The following SRBD1 variants were observed in gnomAD, a reference collection of about 807,000 sequenced individuals.
SRBD1 encodes S1 RNA-binding domain-containing protein 1.
Under a neutral mutation model 115.3 loss-of-function variants are expected in SRBD1, and 88 were observed. The ratio of observed to expected loss-of-function variants is 0.76; its 90% CI spans 0.64 to 0.91. SRBD1 has a LOEUF of 0.91. Ranked by LOEUF, SRBD1 falls within the 40% of genes least tolerant of loss-of-function variation. The probability of loss-of-function intolerance (pLI) is 0.00; values close to 1 mark genes in which losing one functional copy is unlikely to be tolerated. For missense variants in SRBD1, 1,385 were observed against 1,177.4 expected (o/e 1.18, Z -2.58); for synonymous variants, 509 against 407.7 (o/e 1.25, Z -2.99).
At chr2:45,431,818 C>A (rs1325136286) in intron 16 of SRBD1, among the ~76,000 whole-genome samples, 4 of 151,832 alleles carry the variant, frequency 2.6e-5, no homozygotes, top group Non-Finnish European at 5.9e-5. Flanking sequence ...GTTATTTCAC[C>A]AAAACATCCT....
chr2:45,544,204 G>A (rs552154947), intron 14 of SRBD1, among the ~76,000 whole-genome samples: 54 of 133,174 alleles, frequency 4.1e-4, no homozygotes, highest in African/African-American at 1.4e-3. Flanking sequence ...CTGCACTCCC[G>A]CCTGGGTAAC....
At chr2:45,590,495 G>A (rs1220369032) in intron 4 of SRBD1, among the ~76,000 whole-genome samples, 1 of 152,156 alleles carries the variant, frequency 6.6e-6, no homozygotes, top group Non-Finnish European at 1.5e-5. Flanking sequence ...CACGTGTCAA[G>A]GGCAGAACCT....
At position 45,424,668 on chromosome 2, in the gene SRBD1, T is replaced by G. The variant is rs988736846; in HGVS notation, c.2050-4774A>C. ...TACATTTAATTGTATAAGACAGACA[T>G]ACATATACCCAAACAGAAGTGATGT... is the stretch of plus-strand genomic sequence containing the variant. On this transcript the variant is annotated intron_variant, in intron 16 of 20. Coordinates refer to ENST00000263736, the MANE Select transcript of SRBD1 (RefSeq NM_018079.5). 2.6e-5 allele frequency among the ~76,000 whole-genome samples: 4 copies of G among 152,334 alleles called. No homozygotes were observed. In the East Asian group the frequency reaches 5.8e-4, roughly 22 times the overall value.
In SRBD1 at chr2:45,389,000, G is replaced by C. The variant is rs1275176649; in HGVS notation, c.*310C>G. 2 of 286,506 alleles carry C rather than the reference G, an allele frequency of 7.0e-6. No homozygotes were observed. The highest frequency in any genetic ancestry group is 1.3e-5 in the Non-Finnish European group (2 of 153,368). The allele number at this position is 286,506 out of a possible 1,614,324, so 17.7% of individuals were successfully genotyped here. A position where few individuals can be genotyped will look rare whatever the true frequency, so the allele number is the denominator to read the frequency against. On this transcript the variant is annotated 3_prime_UTR_variant, in exon 21 of 21. Coordinates refer to ENST00000263736, the MANE Select transcript of SRBD1 (RefSeq NM_018079.5). ...TTGGCAAGTAGAAGTTAAGCAATCT[G>C]TTATACAAAATGCAAAAGGAGTTAA...
At chr2:45,396,841 C>T (rs1298016052) in intron 19 of SRBD1, among the ~76,000 whole-genome samples, 1 of 152,080 alleles carries the variant, frequency 6.6e-6, no homozygotes, top group African/African-American at 2.4e-5. Flanking sequence ...TACATTAAAG[C>T]AACATGATAC....
intron 16 of SRBD1, among the ~76,000 whole-genome samples, chr2:45,449,211 G>A (rs1668917103): frequency 6.6e-6 from 1 of 152,074 alleles, no homozygotes; most frequent in Non-Finnish European, 1.5e-5. Flanking sequence ...AAGACATAAT[G>A]CTCAAAAGAG....
Position 45,573,338 on chromosome 2 carries a change from G to T in SRBD1, c.1174C>A (p.Gln392Lys). 6.2e-7 allele frequency: 1 copy of T among 1,607,360 alleles called. No homozygotes were observed. The highest frequency in any genetic ancestry group is 1.1e-5 in the South Asian group (1 of 89,718). The change falls in exon 9 of 21, where the codon CAG (glutamine) becomes AAG (lysine). Residue 392 changes from glutamine (Q) to lysine (K), a missense_variant. Transcript: ENST00000263736. ...GACTGGATACAAACATGTCTCTTCT[G>T]GCACCTGTTCAGATACACAAGTGTT... ...DTLDFIRNLC[Q>K]KRHVCIQSSL...
chr2:45,594,242 G>A (rs183665144), intron 4 of SRBD1, among the ~76,000 whole-genome samples: 26 of 152,022 alleles, frequency 1.7e-4, no homozygotes, highest in African/African-American at 6.3e-4. Context: ...CTTTCTTCAC[G>A]CACATAATTC....
rs569682035 is a variant in SRBD1 at position 45,406,739 on chromosome 2, A to G, written c.2513+6375T>C. Reference sequence around the variant, plus strand: ...TACTCTAGAGAAGAATCCATTTCCTACATACCCCTTAATAAAATAAATCGG... The same window carrying G: ...TACTCTAGAGAAGAATCCATTTCCTGCATACCCCTTAATAAAATAAATCGG... On this transcript the variant is annotated intron_variant, in intron 19 of 20. Coordinates refer to ENST00000263736, the MANE Select transcript of SRBD1 (RefSeq NM_018079.5). Among the ~76,000 whole-genome samples the G allele has an allele frequency of 2.0e-5, 3 of 152,334 alleles. No individual in the cohort carries two copies. The South Asian group carries it at 6.2e-4, about 32-fold the overall frequency.
At chr2:45,476,926 T>A (rs1346435539) in intron 16 of SRBD1, 67 bp downstream of exon 16, 3 of 1,414,444 alleles carry the variant, frequency 2.1e-6, no homozygotes, top group Non-Finnish European at 2.0e-6. Context: ...TTAATTACTA[T>A]CCCAGGTTTG....
intron 16 of SRBD1, among the ~76,000 whole-genome samples, chr2:45,460,328 G>A (rs534229297): frequency 3.9e-5 from 6 of 152,256 alleles, no homozygotes; most frequent in South Asian, 4.1e-4. Flanking sequence ...GTTTCAAATC[G>A]TAAAAGAGGT....
At chr2:45,598,702 T>C (rs1420184694) in intron 4 of SRBD1, among the ~76,000 whole-genome samples, 1 of 151,592 alleles carries the variant, frequency 6.6e-6, no homozygotes, top group East Asian at 1.9e-4. Context: ...GATTGAGAAG[T>C]GGAATCAGGA....
intron 4 of SRBD1, among the ~76,000 whole-genome samples, chr2:45,593,891 T>A (rs889133950): frequency 2.6e-5 from 4 of 152,188 alleles, no homozygotes; most frequent in Non-Finnish European, 5.9e-5. Flanking sequence ...GAAGGAGGAA[T>A]TGGAAAATAG....
At chr2:45,510,549 A>C (rs1255710121) in intron 14 of SRBD1, among the ~76,000 whole-genome samples, 1 of 152,192 alleles carries the variant, frequency 6.6e-6, no homozygotes, top group African/African-American at 2.4e-5. Context: ...TTGAACTATC[A>C]CATTAAATGG....
chr2:45,516,682 G>T (rs942386560), intron 14 of SRBD1, among the ~76,000 whole-genome samples: 1 of 152,102 alleles, frequency 6.6e-6, no homozygotes, highest in Non-Finnish European at 1.5e-5. Context: ...TTCTTAATTT[G>T]TAAGTGTAGA....
chr2:45,556,939 T>C (rs1167438408), intron 10 of SRBD1, among the ~76,000 whole-genome samples: 1 of 152,126 alleles, frequency 6.6e-6, no homozygotes, highest in Admixed American at 6.5e-5. Context: ...GCTGCTGCTG[T>C]TATTATTAAT....
At chr2:45,490,066 T>A (rs981935781) in intron 14 of SRBD1, among the ~76,000 whole-genome samples, 56 of 152,250 alleles carry the variant, frequency 3.7e-4, no homozygotes, top group African/African-American at 1.3e-3. Flanking sequence ...AGCTTCAAAA[T>A]TAAAAGGTAA....
chr2:45,409,639 C>CA (rs1300924678), intron 19 of SRBD1, among the ~76,000 whole-genome samples: 4 of 151,784 alleles, frequency 2.6e-5, no homozygotes, highest in African/African-American at 9.7e-5. Flanking sequence ...AAGGAACGTA[C>CA]AAATACCTAG....
intron 18 of SRBD1, among the ~76,000 whole-genome samples, chr2:45,414,937 T>C (rs1473410048): frequency 4.5e-5 from 5 of 111,444 alleles, no homozygotes; most frequent in Non-Finnish European, 8.4e-5. Flanking sequence ...ACACACAGTG[T>C]TATATAGTAT....
Sources: gnomAD v4.1 joint callset for allele counts (sites outside exome capture counted in the v4.1 genomes callset) on GRCh38, gnomAD v4.1.1 for gene constraint, MANE v1.5 for transcripts, NCBI Gene and HGNC (gene_info 2026-07-23, HGNC 2026-07-21) for gene names.